SLC14A1: variants seen among roughly 807,000 people sequenced by gnomAD.
SLC14A1 encodes urea transporter 1.
In SLC14A1, 36 loss-of-function variants were observed where a neutral mutation model predicts 39.6. The ratio of observed to expected loss-of-function variants is 0.91; its 90% CI spans 0.70 to 1.20. The LOEUF (loss-of-function observed/expected upper bound fraction) is 1.20. SLC14A1 is among the 50% of genes most tolerant of loss of function. The probability of loss-of-function intolerance (pLI) is 0.00; values close to 1 mark genes in which losing one functional copy is unlikely to be tolerated. For missense variants in SLC14A1, 469 were observed against 478.7 expected (o/e 0.98, Z 0.19); for synonymous variants, 164 against 173.6 (o/e 0.94, Z 0.43).
At chr18:45,728,787 C>A (rs2046939825) in intron 2 of SLC14A1, among the ~76,000 whole-genome samples, 1 of 151,848 alleles carries the variant, frequency 6.6e-6, no homozygotes, top group Non-Finnish European at 1.5e-5. Context: ...ATTGTTTTAC[C>A]GAGATAAAAT....
At chr18:45,744,907 A>G (rs568418) in intron 8 of SLC14A1, among the ~76,000 whole-genome samples, 140,820 of 152,210 alleles carry the variant, frequency 0.93, 65,166 homozygotes, top group East Asian at 1. Flanking sequence ...TGTCCATTGC[A>G]CCGATCACAT....
In SLC14A1 at chr18:45,748,953, T is replaced by C. The variant is rs143286682; in HGVS notation, c.996+528T>C. Reference sequence around the variant, plus strand: ...AAAGTCCCATTACACACATGCATGATGGAGAGTACATCAGAGCACATGGGG... The same window carrying C: ...AAAGTCCCATTACACACATGCATGACGGAGAGTACATCAGAGCACATGGGG... On this transcript the variant is annotated intron_variant, in intron 9 of 9. Coordinates refer to ENST00000321925, the MANE Select transcript of SLC14A1 (RefSeq NM_015865.7). 5.0e-4 allele frequency among the ~76,000 whole-genome samples: 76 copies of C among 152,234 alleles called. 1 individual carries two copies. In the East Asian group the frequency reaches 0.012, roughly 24 times the overall value.
intron 2 of SLC14A1, chr18:45,729,580 A>G (rs1347359415): frequency 3.3e-5 from 5 of 152,302 alleles, no homozygotes; most frequent in Admixed American, 1.3e-4. Flanking sequence ...GCTTTGTCCA[A>G]TTCCATCTTT....
At chr18:45,739,909 GAT>G in intron 8 of SLC14A1, 1 of 556,960 alleles carries the variant, frequency 1.8e-6, no homozygotes, top group South Asian at 2.0e-5. Flanking sequence ...CTAAAACATG[GAT>G]GTTTGGGAGG....
chr18:45,732,959 G>A (rs1251922595), intron 4 of SLC14A1, among the ~76,000 whole-genome samples: 1 of 152,162 alleles, frequency 6.6e-6, no homozygotes, highest in Admixed American at 6.6e-5. Context: ...CAGCAGCATG[G>A]ATGTATCTGG....
At chr18:45,728,467 G>A (rs1256720653) in intron 2 of SLC14A1, among the ~76,000 whole-genome samples, 1 of 152,146 alleles carries the variant, frequency 6.6e-6, no homozygotes, top group African/African-American at 2.4e-5. Flanking sequence ...TCTTTGGGCT[G>A]CTTGTCCTTG....
rs886298093 is a variant in SLC14A1, at chr18:45,751,703, A to G, written c.*1752A>G. On this transcript the variant is annotated 3_prime_UTR_variant, in exon 10 of 10. Coordinates refer to ENST00000321925, the MANE Select transcript of SLC14A1 (RefSeq NM_015865.7). ...GCTGAGGTGGAAAGATCGCTTGTGC[A>G]CAGAAGTTCGAGGCTGCAGTGAGCT... 17 of 447,742 alleles carry G rather than the reference A, an allele frequency of 3.8e-5. 1 individual carries two copies. Among genetic ancestry groups the G allele is most frequent in the Middle Eastern group, 1.1e-3 (1 of 928 alleles). 27.7% of individuals were successfully genotyped at this position (447,742 alleles called of 1,614,324 possible).
intron 8 of SLC14A1, among the ~76,000 whole-genome samples, chr18:45,745,656 T>C (rs368734240): frequency 6.6e-6 from 1 of 152,314 alleles, no homozygotes; most frequent in African/African-American, 2.4e-5. Context: ...CACCTTCTTT[T>C]CAAGAAGCTA....
chr18:45,731,556 G>GA, intron 4 of SLC14A1: 1 of 348,150 alleles, frequency 2.9e-6, no homozygotes, highest in Non-Finnish European at 5.6e-6. Context: ...TATGAATTCA[G>GA]AAAAAGTTTT....
Position 45,739,660 on chromosome 18 carries a change from G to A in SLC14A1, c.944G>A (p.Cys315Tyr). 2 of 1,614,174 alleles carry A rather than the reference G, an allele frequency of 1.2e-6. No individual in the cohort carries two copies. The highest frequency in any genetic ancestry group is 1.7e-6 in the Non-Finnish European group (2 of 1,180,024). ...TWQTHLLALG[C>Y]ALFTAYLGVG... Reference sequence around the variant, plus strand: ...CAAACCCACCTCCTGGCTCTTGGCTGTGGTGAGTCTCCCACGCCCCTGGGG... The same window carrying A: ...CAAACCCACCTCCTGGCTCTTGGCTATGGTGAGTCTCCCACGCCCCTGGGG... Residue 315 changes from cysteine (C) to tyrosine (Y), a missense_variant and splice_region_variant, in exon 8 of 10, where the codon TGT (cysteine) becomes TAT (tyrosine). Coordinates refer to ENST00000321925, the MANE Select transcript of SLC14A1 (RefSeq NM_015865.7).
At chr18:45,731,397 TG>T in intron 4 of SLC14A1, 193 bp downstream of exon 4, 1 of 654,998 alleles carries the variant, frequency 1.5e-6, no homozygotes, top group East Asian at 2.8e-5. Context: ...TCTGAATAAA[TG>T]GCTGGTCTAA....
At chr18:45,730,155 G>A (rs1771513541) in intron 2 of SLC14A1, 145 bp from the exon 3 acceptor site, 2 of 801,904 alleles carry the variant, frequency 2.5e-6, no homozygotes, top group South Asian at 2.2e-5. Flanking sequence ...AATAAGCTCT[G>A]TGGTGGTGTT....
At chr18:45,739,867 A>C in intron 8 of SLC14A1, 1 of 636,148 alleles carries the variant, frequency 1.6e-6, no homozygotes, top group Non-Finnish European at 2.8e-6. Context: ...GATGATTGTG[A>C]AGGCAGGAGC....
rs985361657 is a variant in SLC14A1 at position 45,745,104 on chromosome 18, G to A, written c.947-3272G>A. Among the ~76,000 whole-genome samples the A allele has an allele frequency of 3.3e-5, 5 of 152,172 alleles. No homozygotes were observed. The East Asian group carries it at 5.8e-4, about 18-fold the overall frequency. ...CTAAAAATACAAAAATTAGCTGGGC[G>A]TGGTAGCACGCGCCTATAGTCCCAG... On this transcript the variant is annotated intron_variant, in intron 8 of 9. Coordinates refer to ENST00000321925, the MANE Select transcript of SLC14A1 (RefSeq NM_015865.7).
intron 7 of SLC14A1, 35 bp from the exon 8 acceptor site, chr18:45,739,493 T>C (rs2047294415): frequency 1.9e-6 from 3 of 1,613,938 alleles, no homozygotes; most frequent in Non-Finnish European, 2.5e-6. Context: ...CATCCTGCCT[T>C]TAGTCCTGAG....
rs148771521 is a variant in SLC14A1 at position 45,736,759 on chromosome 18, G to T, written c.663+111G>T. 7.0e-4 allele frequency: 613 copies of T among 872,910 alleles called. 6 individuals are homozygous for T. The African/African-American group carries it at 8.8e-3, about 12-fold the overall frequency. The allele number at this position is 872,910 out of a possible 1,614,324, so 54.1% of individuals were successfully genotyped here. A position where few individuals can be genotyped will look rare whatever the true frequency, so the allele number is the denominator to read the frequency against. ...CTCCTAGATGCTCAGGACTATGGTGGCCTTTCTGCCTTCATCTTGCCATTT... is the reference window on the plus strand; with the variant it reads ...CTCCTAGATGCTCAGGACTATGGTGTCCTTTCTGCCTTCATCTTGCCATTT... On this transcript the variant is annotated intron_variant, in intron 6 of 9. Transcript: ENST00000321925.
Position 45,748,360 on chromosome 18 carries a change from CT to C in SLC14A1, c.947-7del, listed in dbSNP as rs751697666. The C allele has an allele frequency of 1.4e-5, 21 of 1,513,978 alleles. No homozygotes were observed. The East Asian group carries it at 2.1e-4, about 15-fold the overall frequency. The allele number at this position is 1,513,978 out of a possible 1,614,324, so 93.8% of individuals were successfully genotyped here. ...TCTACGAAGCATTGTTCTTTCCCTCCTTTTTTTTTCTGTAGCCCTGTTCACG... is the reference window on the plus strand; with the variant it reads ...TCTACGAAGCATTGTTCTTTCCCTCCTTTTTTTTCTGTAGCCCTGTTCACG... On this transcript the variant is annotated splice_polypyrimidine_tract_variant and intron_variant, in intron 8 of 9. Transcript: ENST00000321925.
At position 45,750,006 on chromosome 18, in the gene SLC14A1, G is replaced by T. The variant is rs1599335810; in HGVS notation, c.*55G>T. On this transcript the variant is annotated 3_prime_UTR_variant, in exon 10 of 10. Transcript: ENST00000321925. ...GAGTCATTTCTGCCTGACTGCTCCA[G>T]CTAACTTCCAGGGTCTCAGCAAACT... 3 of 1,613,608 alleles carry T rather than the reference G, an allele frequency of 1.9e-6. No individual in the cohort carries two copies. The African/African-American group carries it at 4.0e-5, about 22-fold the overall frequency.
At chr18:45,735,728 T>C (rs1308946013) in intron 5 of SLC14A1, among the ~76,000 whole-genome samples, 2 of 152,158 alleles carry the variant, frequency 1.3e-5, no homozygotes, top group Non-Finnish European at 2.9e-5. Flanking sequence ...AATAGGTTCG[T>C]GGGAAGGAGG....
Sources: gnomAD v4.1 joint callset for allele counts (sites outside exome capture counted in the v4.1 genomes callset) on GRCh38, gnomAD v4.1.1 for gene constraint, MANE v1.5 for transcripts, NCBI Gene and HGNC (gene_info 2026-07-23, HGNC 2026-07-21) for gene names.